Variants in KCNJ10 observed in about 807,000 individuals in gnomAD.
KCNJ10 encodes the protein ATP-sensitive inward rectifier potassium channel 10.
In KCNJ10, 9 loss-of-function variants were observed where a neutral mutation model predicts 22.2. That is an observed-to-expected ratio of 0.40 (90% CI 0.24 to 0.71). KCNJ10 has a LOEUF of 0.71. KCNJ10 is among the 30% of genes least tolerant of loss of function. The pLI is 0.35. For missense variants in KCNJ10, 337 were observed against 482.7 expected (o/e 0.70, Z 2.83); for synonymous variants, 184 against 187.3 (o/e 0.98, Z 0.15).
At chr1:160,055,989 G>A (rs1280872472) in intron 1 of KCNJ10, among the ~76,000 whole-genome samples, 1 of 152,168 alleles carries the variant, frequency 6.6e-6, no homozygotes, top group Non-Finnish European at 1.5e-5. Flanking sequence ...CCTCAGAAGA[G>A]TCTCTTTTGT....
chr1:160,059,984 G>T (rs1395370359), intron 1 of KCNJ10, among the ~76,000 whole-genome samples: 1 of 152,176 alleles, frequency 6.6e-6, no homozygotes, highest in Non-Finnish European at 1.5e-5. Flanking sequence ...CTCTGTACCT[G>T]TCATTCATAT....
intron 1 of KCNJ10, among the ~76,000 whole-genome samples, chr1:160,052,761 C>T (rs1486615166): frequency 6.6e-6 from 1 of 152,178 alleles, no homozygotes; most frequent in Non-Finnish European, 1.5e-5. Flanking sequence ...AGCCTCTCAG[C>T]CTCTCGGATC....
Position 160,057,895 on chromosome 1 carries a change from G to T in KCNJ10, c.-1+12127C>A, listed in dbSNP as rs370357089. Among the ~76,000 whole-genome samples, 4 of 152,186 alleles carry T rather than the reference G, an allele frequency of 2.6e-5. No homozygotes were observed. In the East Asian group the frequency reaches 5.8e-4, roughly 22 times the overall value. ...GTTGGCTGGAAATGAGGGGAGGCTT[G>T]GACCTAGGGGGTGGAGGGCCCAAGA... On this transcript the variant is annotated intron_variant, in intron 1 of 1. Transcript: ENST00000644903.
At chr1:160,049,651 AGAAG>A (rs1257636891) in intron 1 of KCNJ10, among the ~76,000 whole-genome samples, 1 of 139,014 alleles carries the variant, frequency 7.2e-6, no homozygotes, top group Admixed American at 7.5e-5. Context: ...GGTCATTGAA[AGAAG>A]GATCCAGCAT....
In KCNJ10 at chr1:160,049,898, T is replaced by C. The variant is rs939355471; in HGVS notation, c.1-7366A>G. Among the ~76,000 whole-genome samples, 4 of 151,414 alleles carry C rather than the reference T, an allele frequency of 2.6e-5. No individual in the cohort carries two copies. The East Asian group carries it at 7.8e-4, about 30-fold the overall frequency. The stretch of plus-strand genomic sequence containing the variant: ...AAGTTCTTGTCCTAGGTAGAATGGA[T>C]GGAACTTCACTCTGGTCCAGCACTT... On this transcript the variant is annotated intron_variant, in intron 1 of 1. Transcript: ENST00000644903.
intron 1 of KCNJ10, among the ~76,000 whole-genome samples, chr1:160,061,404 A>G (rs994201852): frequency 6.6e-6 from 1 of 151,932 alleles, no homozygotes; most frequent in African/African-American, 2.4e-5. Context: ...GACACACTGG[A>G]CCTGTGCCAG....
At chr1:160,047,568 C>G (rs1397525983) in intron 1 of KCNJ10, among the ~76,000 whole-genome samples, 1 of 152,180 alleles carries the variant, frequency 6.6e-6, no homozygotes, top group Non-Finnish European at 1.5e-5. Flanking sequence ...CTGCTCCGTG[C>G]CTACCTGATG....
At chr1:160,058,028 A>G (rs1179297538) in intron 1 of KCNJ10, among the ~76,000 whole-genome samples, 1 of 152,134 alleles carries the variant, frequency 6.6e-6, no homozygotes, top group Non-Finnish European at 1.5e-5. Flanking sequence ...TCCAGGAAGG[A>G]CCATCCCCAT....
intron 1 of KCNJ10, among the ~76,000 whole-genome samples, chr1:160,057,403 G>C (rs1038788640): frequency 1.3e-5 from 2 of 152,186 alleles, no homozygotes; most frequent in African/African-American, 2.4e-5. Flanking sequence ...CTCCAGGTGA[G>C]TTGTGGGGTA....
At position 160,038,459 on chromosome 1, in the gene KCNJ10, G is replaced by A. The variant is rs1467768280; in HGVS notation, c.*2934C>T. On this transcript the variant is annotated 3_prime_UTR_variant, in exon 2 of 2. Coordinates refer to ENST00000644903, the MANE Select transcript of KCNJ10 (RefSeq NM_002241.5). ...TGAATGCCTCTTTATTTCTGAAAAG[G>A]AACTTCTACCCCTCCCTTTCCCATT... 1.3e-5 allele frequency: 2 copies of A among 151,970 alleles called. No individual in the cohort carries two copies. Among genetic ancestry groups the A allele is most frequent in the Non-Finnish European group, 2.9e-5 (2 of 68,002 alleles). The allele number at this position is 151,970 out of a possible 1,614,324, so 9.4% of individuals were successfully genotyped here.
chr1:160,043,302 CACACACACACACAA>C (rs1160299420), intron 1 of KCNJ10, among the ~76,000 whole-genome samples: 39 of 151,552 alleles, frequency 2.6e-4, no homozygotes, highest in Admixed American at 9.2e-4. Context: ...CACACACACA[CACACACACACACAA>C]CCTTAATTTC....
intron 1 of KCNJ10, among the ~76,000 whole-genome samples, chr1:160,049,680 TATATATA>T (rs1557970348): frequency 0.017 from 1,186 of 71,368 alleles, 50 homozygotes; most frequent in African/African-American, 0.059. Context: ...TTTATTTATA[TATATATA>T]TATATATATA....
chr1:160,041,165 A>G lies in KCNJ10; in HGVS notation c.*228T>C, dbSNP rs920348321. ...CCCACTCTTTCCCCCATCCTGGCTT[A>G]AGGGAGGTATGTGTATTGGGGCAGA... On this transcript the variant is annotated 3_prime_UTR_variant, in exon 2 of 2. Coordinates refer to ENST00000644903, the MANE Select transcript of KCNJ10 (RefSeq NM_002241.5). The surrounding 1 kb of genome is among the most constrained non-coding windows in gnomAD (Gnocchi z 4.4). 3 of 584,614 alleles carry G rather than the reference A, an allele frequency of 5.1e-6. No homozygotes were observed. Among genetic ancestry groups the G allele is most frequent in the South Asian group, 3.9e-5 (2 of 50,846 alleles). 36.2% of individuals were successfully genotyped at this position (584,614 alleles called of 1,614,324 possible). A position where few individuals can be genotyped will look rare whatever the true frequency, so the allele number is the denominator to read the frequency against.
At chr1:160,055,552 C>T (rs1403367737) in intron 1 of KCNJ10, among the ~76,000 whole-genome samples, 1 of 152,122 alleles carries the variant, frequency 6.6e-6, no homozygotes, top group Admixed American at 6.5e-5. Flanking sequence ...TGATTTGGGG[C>T]AAATCACTTA....
chr1:160,049,898 T>G (rs939355471), intron 1 of KCNJ10, among the ~76,000 whole-genome samples: 1 of 151,304 alleles, frequency 6.6e-6, no homozygotes. Context: ...GTAGAATGGA[T>G]GGAACTTCAC....
chr1:160,069,544 G>A (rs1049975826), intron 1 of KCNJ10, among the ~76,000 whole-genome samples: 2 of 150,908 alleles, frequency 1.3e-5, no homozygotes, highest in African/African-American at 4.9e-5. Flanking sequence ...TAAGCTGCCA[G>A]TATCTGTTTT....
intron 1 of KCNJ10, among the ~76,000 whole-genome samples, chr1:160,060,534 G>A (rs1649156803): frequency 6.6e-6 from 1 of 152,132 alleles, no homozygotes; most frequent in Non-Finnish European, 1.5e-5. Flanking sequence ...ATGCAATTTT[G>A]ATGGGAGGAA....
intron 1 of KCNJ10, among the ~76,000 whole-genome samples, chr1:160,063,283 G>A (rs1156716058): frequency 6.6e-6 from 1 of 152,222 alleles, no homozygotes; most frequent in Non-Finnish European, 1.5e-5. Flanking sequence ...AGGGGCTCCT[G>A]GGCCTTGGGT....
intron 1 of KCNJ10, among the ~76,000 whole-genome samples, chr1:160,054,575 G>A (rs1275515831): frequency 6.6e-6 from 1 of 152,226 alleles, no homozygotes; most frequent in Non-Finnish European, 1.5e-5. Context: ...TGCTGAAAAG[G>A]TTCCGAAGGA....
Sources: allele counts gnomAD v4.1 joint callset (sites outside exome capture counted in the v4.1 genomes callset), GRCh38; gene constraint gnomAD v4.1.1; non-coding constraint Gnocchi (gnomAD v3.1); transcripts MANE v1.5; gene names NCBI Gene and HGNC (gene_info 2026-07-23, HGNC 2026-07-21).